BRINP3: variants seen among roughly 807,000 people sequenced by gnomAD.
BRINP3 encodes the protein BMP/retinoic acid-inducible neural-specific protein 3.
Under a neutral mutation model 71.0 loss-of-function variants are expected in BRINP3, and 19 were observed. The ratio of observed to expected loss-of-function variants is 0.27; its 90% CI spans 0.19 to 0.39. The LOEUF is 0.39. Among genes scored for constraint, BRINP3 ranks in the 10% least tolerant of loss-of-function variants. BRINP3 has a pLI of 1.00. For synonymous variants in BRINP3, 380 were observed against 337.7 expected (o/e 1.13, Z -1.37); for missense variants, 959 against 940.8 (o/e 1.02, Z -0.25).
At chr1:190,470,826 T>C (rs1677089493) in intron 1 of BRINP3, among the ~76,000 whole-genome samples, 1 of 151,188 alleles carries the variant, frequency 6.6e-6, no homozygotes, top group Non-Finnish European at 1.5e-5. Flanking sequence ...ATTTATGCTA[T>C]ATCTTTCAAT....
chr1:190,372,235 G>A (rs923611687), intron 2 of BRINP3, among the ~76,000 whole-genome samples: 2 of 152,136 alleles, frequency 1.3e-5, no homozygotes, highest in African/African-American at 4.8e-5. Context: ...CATTCTGCCT[G>A]CATTGCCTCT....
chr1:190,334,308 G>T (rs1571777520), intron 2 of BRINP3, among the ~76,000 whole-genome samples: 1 of 151,878 alleles, frequency 6.6e-6, no homozygotes. Flanking sequence ...AGTCTATGCT[G>T]AAAAATATGT....
intron 2 of BRINP3, among the ~76,000 whole-genome samples, chr1:190,338,575 T>C (rs1255243402): frequency 1.3e-5 from 2 of 152,126 alleles, no homozygotes; most frequent in East Asian, 1.9e-4. Flanking sequence ...AAACAAATGA[T>C]GCATATCAAA....
chr1:190,276,203 T>A (rs1036877236), intron 3 of BRINP3, among the ~76,000 whole-genome samples: 3 of 151,670 alleles, frequency 2.0e-5, no homozygotes, highest in Non-Finnish European at 4.4e-5. Context: ...TTATTCATAT[T>A]TCTTTAAGAA....
intron 6 of BRINP3, among the ~76,000 whole-genome samples, chr1:190,174,319 G>GTAGT: frequency 6.6e-6 from 1 of 152,092 alleles, no homozygotes; most frequent in African/African-American, 2.4e-5. Flanking sequence ...TTTCCACTAT[G>GTAGT]TAGTTATTCT....
At chr1:190,373,368 C>A (rs1378352021) in intron 2 of BRINP3, among the ~76,000 whole-genome samples, 1 of 150,964 alleles carries the variant, frequency 6.6e-6, no homozygotes, top group Non-Finnish European at 1.5e-5. Flanking sequence ...CCAGCCTGGG[C>A]AACAGAGTGA....
intron 2 of BRINP3, among the ~76,000 whole-genome samples, chr1:190,434,644 T>C (rs1214595480): frequency 6.6e-6 from 1 of 152,014 alleles, no homozygotes; most frequent in Non-Finnish European, 1.5e-5. Context: ...TTCATATTAA[T>C]ATAAATAACA....
intron 2 of BRINP3, among the ~76,000 whole-genome samples, chr1:190,409,579 T>C (rs1456442125): frequency 5.3e-5 from 8 of 152,154 alleles, no homozygotes; most frequent in Non-Finnish European, 1.2e-4. Context: ...TCATTCTTGA[T>C]GGAGGAGGTT....
intron 2 of BRINP3, among the ~76,000 whole-genome samples, chr1:190,389,972 T>C (rs1012473391): frequency 4.6e-5 from 7 of 151,756 alleles, no homozygotes; most frequent in African/African-American, 1.7e-4. Flanking sequence ...TCTTCTCTTG[T>C]TACAGTGGTT....
chr1:190,171,171 A>G (rs919963597), intron 6 of BRINP3, among the ~76,000 whole-genome samples: 1 of 152,118 alleles, frequency 6.6e-6, no homozygotes, highest in African/African-American at 2.4e-5. Flanking sequence ...AGTGTGGTTG[A>G]CGAGATGCCA....
chr1:190,422,670 C>A (rs1673459889), intron 2 of BRINP3, among the ~76,000 whole-genome samples: 1 of 151,764 alleles, frequency 6.6e-6, no homozygotes, highest in Non-Finnish European at 1.5e-5. Flanking sequence ...CACAAAAGGC[C>A]ACTTTCCAGA....
intron 1 of BRINP3, among the ~76,000 whole-genome samples, chr1:190,468,564 C>T (rs113252636): frequency 6.6e-6 from 1 of 151,106 alleles, no homozygotes; most frequent in Non-Finnish European, 1.5e-5. Context: ...AACAAGAATC[C>T]TCTGAATTAT....
intron 4 of BRINP3, among the ~76,000 whole-genome samples, chr1:190,258,294 A>G (rs1157478745): frequency 6.6e-6 from 1 of 152,232 alleles, no homozygotes. Flanking sequence ...TCACTGAGCC[A>G]GGCACGGGAT....
At chr1:190,116,289 A>C (rs1571741666) in intron 7 of BRINP3, among the ~76,000 whole-genome samples, 1 of 152,206 alleles carries the variant, frequency 6.6e-6, no homozygotes, top group East Asian at 1.9e-4. Context: ...TGATTGAAGT[A>C]GACAACATCT....
At chr1:190,306,801 T>C (rs1302868261) in intron 2 of BRINP3, among the ~76,000 whole-genome samples, 1 of 151,972 alleles carries the variant, frequency 6.6e-6, no homozygotes, top group Admixed American at 6.6e-5. Flanking sequence ...TATATAAATG[T>C]AACATCTCAA....
chr1:190,441,645 T>C (rs1319817683), intron 2 of BRINP3, among the ~76,000 whole-genome samples: 1 of 152,130 alleles, frequency 6.6e-6, no homozygotes, highest in Non-Finnish European at 1.5e-5. Flanking sequence ...ACCAGTATGT[T>C]TGAGTATAAT....
intron 6 of BRINP3, among the ~76,000 whole-genome samples, chr1:190,167,063 AG>A (rs1027696903): frequency 1.3e-5 from 2 of 151,936 alleles, no homozygotes; most frequent in African/African-American, 4.8e-5. Context: ...GTAGCACATG[AG>A]TAGGTTTCCC....
chr1:190,242,718 C>T (rs539943286), intron 4 of BRINP3, among the ~76,000 whole-genome samples: 56 of 151,386 alleles, frequency 3.7e-4, no homozygotes, highest in Non-Finnish European at 6.8e-4. Flanking sequence ...ACATAAGGAT[C>T]GAAAGTATGA....
chr1:190,215,471 A>G (rs1198455497), intron 6 of BRINP3, among the ~76,000 whole-genome samples: 1 of 151,982 alleles, frequency 6.6e-6, no homozygotes. Context: ...TCCCTAGAAA[A>G]TGTCCTCTTT....
Sources: allele counts gnomAD v4.1 joint callset (sites outside exome capture counted in the v4.1 genomes callset), GRCh38; gene constraint gnomAD v4.1.1; transcripts MANE v1.5; gene names NCBI Gene and HGNC (gene_info 2026-07-23, HGNC 2026-07-21).